Variants in NOMO1 observed in about 807,000 individuals in gnomAD.
NOMO1 encodes NODAL modulator 1.
Under a neutral mutation model 133.8 loss-of-function variants are expected in NOMO1, and 40 were observed. The ratio of observed to expected loss-of-function variants is 0.30; its 90% confidence interval spans 0.23 to 0.39. The LOEUF (loss-of-function observed/expected upper bound fraction) is 0.39. NOMO1 is among the 10% of genes least tolerant of loss of function. The pLI is 1.00. For missense variants in NOMO1, 462 were observed against 1,419.9 expected (o/e 0.33, Z 10.84); for synonymous variants, 236 against 570.5 (o/e 0.41, Z 8.36).
chr16:14,837,225 G>A (rs544105821), intron 1 of NOMO1, among the ~76,000 whole-genome samples: 1 of 151,978 alleles, frequency 6.6e-6, no homozygotes, highest in African/African-American at 2.4e-5. Flanking sequence ...ATGTTGTCCA[G>A]GCTGGTCTCC....
rs420475 is a variant in NOMO1 at position 14,860,910 on chromosome 16, A to G, written c.1221-2103A>G. ...TACTCCGTTGCCCAGGCTGGAGTACAGTGGCGCCATCTCGGCTCACTGCAG... is the reference window on the plus strand; with the variant it reads ...TACTCCGTTGCCCAGGCTGGAGTACGGTGGCGCCATCTCGGCTCACTGCAG... On this transcript the variant is annotated intron_variant, in intron 11 of 30. Transcript: ENST00000287667. 5.3e-5 allele frequency among the ~76,000 whole-genome samples: 8 copies of G among 150,442 alleles called. No individual in the cohort carries two copies. In the East Asian group the frequency reaches 7.8e-4, roughly 15 times the overall value.
At chr16:14,856,209 A>G (rs1963832012) in intron 9 of NOMO1, among the ~76,000 whole-genome samples, 1 of 151,948 alleles carries the variant, frequency 6.6e-6, no homozygotes, top group Admixed American at 6.6e-5. Context: ...GAACGAGGAC[A>G]TTTCAGATAC....
rs1446843419 is a variant in NOMO1 at position 14,894,984 on chromosome 16, C to G, written c.3445-14C>G. Reference sequence around the variant, plus strand: ...GGCCTTGGTGAGGAGTGATGGGGCTCTCGGTGTTTGCAGAGGAAGCTGCCT... The same window carrying G: ...GGCCTTGGTGAGGAGTGATGGGGCTGTCGGTGTTTGCAGAGGAAGCTGCCT... On this transcript the variant is annotated splice_polypyrimidine_tract_variant and intron_variant, in intron 29 of 30. Transcript: ENST00000287667. 14 of 1,611,718 alleles carry G rather than the reference C, an allele frequency of 8.7e-6. No homozygotes were observed. The highest frequency in any genetic ancestry group is 1.0e-5 in the Non-Finnish European group (12 of 1,179,780).
chr16:14,884,464 A>G lies in NOMO1; in HGVS notation c.3204A>G (p.Glu1068=), dbSNP rs868288741. 1.9e-6 allele frequency: 3 copies of G among 1,611,654 alleles called. No individual in the cohort carries two copies. The South Asian group carries it at 3.3e-5, about 18-fold the overall frequency. ...DLSGNVITSS[E]YLPTLWVKLY... is the part of the protein sequence containing the mutation. ...GTGGAAATGTGATCACTTCCTCTGA[A>G]TACCTTCCTACATTATGGGTAAGTC... is the stretch of plus-strand genomic sequence containing the variant. Residue 1068 remains glutamate (E), a synonymous_variant, in exon 27 of 31, where the codon GAA becomes GAG. Transcript: ENST00000287667.
At chr16:14,885,571 T>C (rs1404878958) in intron 27 of NOMO1, among the ~76,000 whole-genome samples, 3 of 151,376 alleles carry the variant, frequency 2.0e-5, no homozygotes, top group Non-Finnish European at 2.9e-5. Flanking sequence ...AAAGTGTGTG[T>C]GCGCTTTAGT....
chr16:14,878,736 G>A lies in NOMO1; in HGVS notation c.2659G>A (p.Asp887Asn). Residue 887 changes from aspartate to asparagine, a missense_variant, in exon 23 of 31, where the codon GAC (aspartate) becomes AAC (asparagine). Transcript: ENST00000287667. ...GVSFEIKAED[D>N]QPLPGVLLSL... is the part of the protein sequence containing the mutation. ...TCATCCCCAGATAAAAGCTGAGGAT[G>A]ACCAGCCCCTCCCGGGAGTCCTCTT... The A allele has an allele frequency of 6.2e-7, 1 of 1,611,726 alleles. No individual in the cohort carries two copies. Among genetic ancestry groups the A allele is most frequent in the Non-Finnish European group, 8.5e-7 (1 of 1,179,828 alleles).
chr16:14,875,560 T>C, intron 20 of NOMO1, 138 bp downstream of exon 20: 1 of 943,556 alleles, frequency 1.1e-6, no homozygotes, highest in Admixed American at 2.1e-5. Context: ...ACACAGATGT[T>C]ACTGTTGGTT....
intron 19 of NOMO1, 32 bp from the exon 20 acceptor site, chr16:14,875,308 C>G (rs201610843): frequency 6.2e-7 from 1 of 1,606,392 alleles, no homozygotes; most frequent in East Asian, 2.2e-5. Context: ...GGGGACAGGA[C>G]CCGCCAAACT....
In NOMO1 at chr16:14,887,601, A is replaced by G. The variant is rs1351481892; in HGVS notation, c.3324+739A>G. Among the ~76,000 whole-genome samples the G allele has an allele frequency of 4.6e-5, 7 of 151,912 alleles. No homozygotes were observed. In the South Asian group the frequency reaches 1.5e-3, roughly 32 times the overall value. On this transcript the variant is annotated intron_variant, in intron 28 of 30. Coordinates refer to ENST00000287667, the MANE Select transcript of NOMO1 (RefSeq NM_014287.4). The stretch of plus-strand genomic sequence containing the variant: ...AGGCGTGAGCCCCCGTGCCTGGCCA[A>G]ATCTTTCATACTATGATTTTTATGG...
rs570598064 is a variant in NOMO1, at chr16:14,888,546, C to T, written c.3325-550C>T. 3.9e-4 allele frequency: 66 copies of T among 169,130 alleles called. 2 individuals are homozygous for T. The highest frequency in any genetic ancestry group is 1.5e-3 in the African/African-American group (62 of 41,492). 10.5% of individuals were successfully genotyped at this position (169,130 alleles called of 1,614,324 possible). A position where few individuals can be genotyped will look rare whatever the true frequency, so the allele number is the denominator to read the frequency against. On this transcript the variant is annotated intron_variant, in intron 28 of 30. Coordinates refer to ENST00000287667, the MANE Select transcript of NOMO1 (RefSeq NM_014287.4). ...ATGTGCATGGTGCCTGGCAGCTGGT[C>T]GGTGCTCAGCACACAGAGCTGTGAT...
Position 14,852,949 on chromosome 16 carries a change from G to A in NOMO1, c.735+367G>A, listed in dbSNP as rs544094104. 1,368 of 260,084 alleles carry A rather than the reference G, an allele frequency of 5.3e-3. 39 individuals carry two copies. The highest frequency in any genetic ancestry group is 0.029 in the African/African-American group (1,250 of 42,838). 16.1% of individuals were successfully genotyped at this position (260,084 alleles called of 1,614,324 possible). Reference sequence around the variant, plus strand: ...ACCCAGGAGGTGGAGGTTGCAGTGAGCCAAGATCACACCACTGCACTCCAG... The same window carrying A: ...ACCCAGGAGGTGGAGGTTGCAGTGAACCAAGATCACACCACTGCACTCCAG... On this transcript the variant is annotated intron_variant, in intron 7 of 30. Transcript: ENST00000287667.
intron 24 of NOMO1, among the ~76,000 whole-genome samples, chr16:14,880,904 C>T (rs1348727144): frequency 1.3e-5 from 2 of 150,704 alleles, no homozygotes; most frequent in Non-Finnish European, 3.0e-5. Flanking sequence ...GAGTGTCTGG[C>T]AAGGCACAGT....
At chr16:14,836,930 C>T (rs1330014118) in intron 1 of NOMO1, among the ~76,000 whole-genome samples, 1 of 151,794 alleles carries the variant, frequency 6.6e-6, no homozygotes, top group Non-Finnish European at 1.5e-5. Flanking sequence ...TGGTCTCGAT[C>T]TCCTGACCTC....
chr16:14,881,348 G>T (rs1260273979), intron 24 of NOMO1, among the ~76,000 whole-genome samples, 196 bp from the exon 25 acceptor site: 1 of 151,976 alleles, frequency 6.6e-6, no homozygotes, highest in African/African-American at 2.4e-5. Flanking sequence ...TATGAGAAAA[G>T]AAATTGATGG....
chr16:14,892,495 G>A (rs1964419589), intron 29 of NOMO1, among the ~76,000 whole-genome samples: 2 of 151,082 alleles, frequency 1.3e-5, no homozygotes, highest in African/African-American at 4.9e-5. Context: ...GCTGCTGCCT[G>A]TCACTTCTGA....
intron 26 of NOMO1, among the ~76,000 whole-genome samples, chr16:14,883,061 C>T (rs1348740739): frequency 2.0e-5 from 3 of 152,042 alleles, no homozygotes; most frequent in African/African-American, 4.8e-5. Context: ...CTTTTTCCTG[C>T]TCCCATTTTG....
At chr16:14,859,783 G>T (rs1461146951) in intron 11 of NOMO1, among the ~76,000 whole-genome samples, 1 of 152,088 alleles carries the variant, frequency 6.6e-6, no homozygotes, top group Non-Finnish European at 1.5e-5. Context: ...CTAAATTATG[G>T]CAAGTGTTGT....
At chr16:14,862,982 C>G (rs200946636) in intron 11 of NOMO1, 31 bp from the exon 12 acceptor site, 3 of 1,609,790 alleles carry the variant, frequency 1.9e-6, no homozygotes, top group Non-Finnish European at 1.7e-6. Context: ...ATTGAGTCCT[C>G]GTGCTGGAAT....
At chr16:14,843,889 G>GT (rs1252479272) in intron 3 of NOMO1, among the ~76,000 whole-genome samples, 3 of 136,576 alleles carry the variant, frequency 2.2e-5, no homozygotes, top group African/African-American at 8.4e-5. Context: ...GAACTCTTCA[G>GT]TTAAAAAATG....
Sources: allele counts gnomAD v4.1 joint callset (sites outside exome capture counted in the v4.1 genomes callset), GRCh38; gene constraint gnomAD v4.1.1; transcripts MANE v1.5; gene names NCBI Gene and HGNC (gene_info 2026-07-23, HGNC 2026-07-21).